Variants in LIFR observed in about 807,000 individuals in gnomAD.
The protein encoded by LIFR is LIF receptor subunit alpha.
In LIFR, 84 loss-of-function variants were observed where a neutral mutation model predicts 122.2. The ratio of observed to expected loss-of-function variants is 0.69; its 90% CI spans 0.58 to 0.82. LIFR has a LOEUF of 0.82. LIFR is among the 40% of genes least tolerant of loss of function. The probability of loss-of-function intolerance (pLI) is 0.00; values close to 1 mark genes in which losing one functional copy is unlikely to be tolerated. For missense variants in LIFR, 1,294 were observed against 1,311.6 expected (o/e 0.99, Z 0.21); for synonymous variants, 422 against 434.7 (o/e 0.97, Z 0.36).
At chr5:38,555,541 T>C (rs1017085354) in intron 1 of LIFR, among the ~76,000 whole-genome samples, 8 of 152,216 alleles carry the variant, frequency 5.3e-5, no homozygotes, top group Admixed American at 1.3e-4. Flanking sequence ...GTTGAAAGAA[T>C]GTATCTTTTA....
In LIFR at chr5:38,481,756, G is replaced by T. The variant is rs780926951; in HGVS notation, c.3133C>A (p.Pro1045Thr). 4 of 1,614,100 alleles carry T rather than the reference G, an allele frequency of 2.5e-6. No homozygotes were observed. Among genetic ancestry groups the T allele is most frequent in the African/African-American group, 2.7e-5 (2 of 75,010 alleles). Reference protein sequence around the residue: ...NTWNLVSPDSPRSIDSNSEIV... With the variant: ...NTWNLVSPDSTRSIDSNSEIV... ...TCACTGTTGCTGTCTATGGATCTAG[G>T]AGAGTCTGGAGACACTAAATTCCAT... Residue 1045 changes from proline (P) to threonine (T), a missense_variant, in exon 20 of 20, where the codon CCT (proline) becomes ACT (threonine). By Grantham distance (38) the Pro-to-Thr change is conservative (BLOSUM62 -1). Coordinates refer to ENST00000453190, the MANE Select transcript of LIFR (RefSeq NM_001127671.2).
chr5:38,606,845 C>T (rs73072848), intron 1 of LIFR, among the ~76,000 whole-genome samples: 1,734 of 152,296 alleles, frequency 0.011, 28 homozygotes, highest in African/African-American at 0.037. Context: ...AGTACATCCC[C>T]ATGACTTACT....
At chr5:38,514,369 T>G (rs1745964598) in intron 5 of LIFR, among the ~76,000 whole-genome samples, 1 of 152,182 alleles carries the variant, frequency 6.6e-6, no homozygotes, top group South Asian at 2.1e-4. Flanking sequence ...AATCATACCT[T>G]CAAAATCTTG....
intron 17 of LIFR, 73 bp from the exon 18 acceptor site, chr5:38,484,941 GGTATT>G: frequency 2.0e-6 from 2 of 1,004,516 alleles, no homozygotes; most frequent in Non-Finnish European, 3.1e-6. Context: ...TATGTTAGAA[GGTATT>G]TAGGTTGGTA....
chr5:38,544,613 C>T (rs1747773398), intron 1 of LIFR, among the ~76,000 whole-genome samples: 1 of 152,216 alleles, frequency 6.6e-6, no homozygotes, highest in African/African-American at 2.4e-5. Flanking sequence ...ACACTGCTCA[C>T]TCTTCCTTGT....
chr5:38,496,048 G>A (rs1191728245), intron 13 of LIFR, among the ~76,000 whole-genome samples: 1 of 151,816 alleles, frequency 6.6e-6, no homozygotes, highest in Non-Finnish European at 1.5e-5. Context: ...CCTAGTCTTG[G>A]GGAAGTGTCT....
intron 1 of LIFR, among the ~76,000 whole-genome samples, chr5:38,531,567 TGAAAAAG>T (rs1458013261): frequency 1.4e-4 from 20 of 146,948 alleles, no homozygotes; most frequent in African/African-American, 4.9e-4. Flanking sequence ...GAGGATGCAA[TGAAAAAG>T]GAATAACAGG....
At position 38,480,695 on chromosome 5, in the gene LIFR, T is replaced by C. The variant is rs1006578693; in HGVS notation, c.*900A>G. ...GATATTGCTTAGTAGTCATCTCACATAGTAAGTCACTGGAATTACATGCTT... is the reference window on the plus strand; with the variant it reads ...GATATTGCTTAGTAGTCATCTCACACAGTAAGTCACTGGAATTACATGCTT... On this transcript the variant is annotated 3_prime_UTR_variant, in exon 20 of 20. Transcript: ENST00000453190. 4.7e-6 allele frequency: 1 copy of C among 210,816 alleles called. No individual in the cohort carries two copies. Among genetic ancestry groups the C allele is most frequent in the Non-Finnish European group, 9.6e-6 (1 of 104,048 alleles). The allele number at this position is 210,816 out of a possible 1,614,324, so 13.1% of individuals were successfully genotyped here. A position where few individuals can be genotyped will look rare whatever the true frequency, so the allele number is the denominator to read the frequency against.
intron 1 of LIFR, among the ~76,000 whole-genome samples, chr5:38,583,523 G>A (rs951261501): frequency 8.5e-5 from 13 of 152,134 alleles, no homozygotes; most frequent in African/African-American, 3.1e-4. Flanking sequence ...GCAACCTACA[G>A]ACTGGGAAAA....
chr5:38,528,881 C>T, intron 2 of LIFR, 41 bp from the exon 3 acceptor site: 1 of 1,012,326 alleles, frequency 9.9e-7, no homozygotes, highest in Non-Finnish European at 1.5e-6. Flanking sequence ...CACACACAGA[C>T]ACACATAAAC....
chr5:38,538,739 C>T (rs879522642), intron 1 of LIFR, among the ~76,000 whole-genome samples: 1 of 152,208 alleles, frequency 6.6e-6, no homozygotes, highest in African/African-American at 2.4e-5. Flanking sequence ...AATTTACAAC[C>T]CTCTGGCAAG....
intron 5 of LIFR, among the ~76,000 whole-genome samples, chr5:38,512,272 C>T (rs1221345590): frequency 6.6e-6 from 1 of 152,000 alleles, no homozygotes; most frequent in African/African-American, 2.4e-5. Context: ...TTGGATTTTG[C>T]ACCTTTTCAG....
At chr5:38,557,220 G>A (rs1297951919), upstream of LIFR, 1 of 152,324 alleles carries the variant, frequency 6.6e-6, no homozygotes, top group Non-Finnish European at 1.5e-5. Context: ...ATGGCCAGCG[G>A]GCGCGCCGAG....
At chr5:38,549,436 A>G (rs946180601) in intron 1 of LIFR, among the ~76,000 whole-genome samples, 1 of 152,150 alleles carries the variant, frequency 6.6e-6, no homozygotes, top group African/African-American at 2.4e-5. Flanking sequence ...ATGCACCACA[A>G]TTCATTTAAT....
At chr5:38,546,942 T>A (rs1747926044) in intron 1 of LIFR, among the ~76,000 whole-genome samples, 1 of 152,140 alleles carries the variant, frequency 6.6e-6, no homozygotes, top group Admixed American at 6.6e-5. Context: ...GTTGGCAAAG[T>A]CCTAAGTCTA....
chr5:38,557,264 G>A (rs1748635956), upstream of LIFR: 1 of 152,220 alleles, frequency 6.6e-6, no homozygotes, highest in African/African-American at 2.4e-5. Flanking sequence ...TGCCTCGGAG[G>A]CGGGGTGGGC....
intron 1 of LIFR, among the ~76,000 whole-genome samples, chr5:38,531,076 T>C (rs1013955322): frequency 1.3e-5 from 2 of 152,268 alleles, no homozygotes; most frequent in African/African-American, 4.8e-5. Context: ...AACTTGTGTT[T>C]AGTCATTTAT....
chr5:38,600,040 A>G (rs1471780810), upstream of LIFR, among the ~76,000 whole-genome samples: 6 of 152,242 alleles, frequency 3.9e-5, no homozygotes, highest in Non-Finnish European at 8.8e-5. Flanking sequence ...CTTCATCTGT[A>G]TGATAAAACC....
rs898718526 is a variant in LIFR at position 38,482,583 on chromosome 5, G to C, written c.2670+6C>G. The C allele has an allele frequency of 7.9e-6, 11 of 1,395,232 alleles. No individual in the cohort carries two copies. In the Admixed American group the frequency reaches 1.9e-4, roughly 24 times the overall value. The allele number at this position is 1,395,232 out of a possible 1,614,324, so 86.4% of individuals were successfully genotyped here. On this transcript the variant is annotated splice_donor_region_variant and intron_variant, in intron 19 of 19. Transcript: ENST00000453190. ...CAAAGATAAATATAAGAAAATAAAA[G>C]ATTACCTCACAGACACTCTTTTGAA...
Sources: allele counts gnomAD v4.1 joint callset (sites outside exome capture counted in the v4.1 genomes callset), GRCh38; gene constraint gnomAD v4.1.1; transcripts MANE v1.5; gene names NCBI Gene and HGNC (gene_info 2026-07-23, HGNC 2026-07-21).